The following KRAS variants were observed in gnomAD, a reference collection of about 807,000 sequenced individuals.
KRAS encodes KRas proto-oncogene, GTPase.
KRAS carries 1 observed loss-of-function variant against 21.0 expected under a neutral mutation model. That is an observed-to-expected ratio of 0.05 (90% CI 0.02 to 0.23). The LOEUF (loss-of-function observed/expected upper bound fraction) is 0.23, where lower values mean the gene tolerates loss of function less well. KRAS is among the 10% of genes least tolerant of loss of function. The probability of loss-of-function intolerance (pLI) is 1.00; values close to 1 mark genes in which losing one functional copy is unlikely to be tolerated. For synonymous variants in KRAS, 67 were observed against 72.5 expected (o/e 0.92, Z 0.39); for missense variants, 107 against 221.8 (o/e 0.48, Z 3.29).
At chr12:25,245,779 A>G (rs1187489434) in intron 1 of KRAS, among the ~76,000 whole-genome samples, 3 of 152,210 alleles carry the variant, frequency 2.0e-5, no homozygotes, top group Non-Finnish European at 4.4e-5. Context: ...ACCCTGTAGC[A>G]CACCCTCACA....
At chr12:25,236,069 G>A (rs899268563) in intron 2 of KRAS, among the ~76,000 whole-genome samples, 4 of 151,946 alleles carry the variant, frequency 2.6e-5, no homozygotes, top group South Asian at 2.1e-4. Flanking sequence ...GTACCAGTCC[G>A]CAGTCCAGGG....
intron 2 of KRAS, among the ~76,000 whole-genome samples, chr12:25,243,018 A>G (rs61761079): frequency 0.013 from 1,938 of 152,292 alleles, 43 homozygotes; most frequent in African/African-American, 0.044. Context: ...TCCATTTTAA[A>G]TGTAGAAAAA....
At chr12:25,242,560 TA>T (rs1189386889) in intron 2 of KRAS, among the ~76,000 whole-genome samples, 17 of 152,230 alleles carry the variant, frequency 1.1e-4, no homozygotes, top group Admixed American at 9.2e-4. Flanking sequence ...TAACAATATA[TA>T]CTTCACAATA....
At chr12:25,250,578 G>T (rs1293711362) in intron 1 of KRAS, among the ~76,000 whole-genome samples, 173 bp downstream of exon 1, 1 of 144,022 alleles carries the variant, frequency 6.9e-6, no homozygotes, top group African/African-American at 2.6e-5. Flanking sequence ...CCGCGTCCGC[G>T]CGCCTCCCCC....
chr12:25,216,502 T>A (rs1353019545), intron 4 of KRAS, among the ~76,000 whole-genome samples: 1 of 152,158 alleles, frequency 6.6e-6, no homozygotes, highest in African/African-American at 2.4e-5. Context: ...CTCAAACTCC[T>A]GAGCACAAGT....
At chr12:25,230,954 C>T (rs918343501) in intron 2 of KRAS, among the ~76,000 whole-genome samples, 1 of 152,116 alleles carries the variant, frequency 6.6e-6, no homozygotes, top group South Asian at 2.1e-4. Flanking sequence ...AAATTAAAAA[C>T]CATTCTAAAG....
At position 25,245,552 on chromosome 12, in the gene KRAS, C is replaced by T. The variant is rs576401541; in HGVS notation, c.-11-157G>A. On this transcript the variant is annotated intron_variant, in intron 1 of 4. Coordinates refer to ENST00000311936, the MANE Select transcript of KRAS (RefSeq NM_004985.5). ...TTACAAAATTCAATCATGAAAATTC[C>T]AGTTGACTGCAGACGTGTATCGTAA... Among the ~76,000 whole-genome samples, 24 of 152,248 alleles carry T rather than the reference C, an allele frequency of 1.6e-4. No individual in the cohort carries two copies. The South Asian group carries it at 5.0e-3, about 32-fold the overall frequency.
At chr12:25,215,763 T>C (rs747053038) in intron 4 of KRAS, among the ~76,000 whole-genome samples, 47 of 152,194 alleles carry the variant, frequency 3.1e-4, no homozygotes, top group Non-Finnish European at 5.9e-4. Flanking sequence ...TCAGTTTTGT[T>C]TTCTAATGGA....
chr12:25,218,743 A>C (rs1282422252), intron 4 of KRAS, among the ~76,000 whole-genome samples: 1 of 152,178 alleles, frequency 6.6e-6, no homozygotes, highest in Non-Finnish European at 1.5e-5. Context: ...TATACCTATG[A>C]AACAAAACAC....
At chr12:25,227,158 G>T (rs2141508929) in intron 3 of KRAS, 76 bp downstream of exon 3, 1 of 979,414 alleles carries the variant, frequency 1.0e-6, no homozygotes, top group Non-Finnish European at 1.6e-6. Flanking sequence ...TATATGCATG[G>T]CATTAGCAAA....
chr12:25,214,838 C>A (rs1951236281), intron 4 of KRAS, among the ~76,000 whole-genome samples: 1 of 152,070 alleles, frequency 6.6e-6, no homozygotes, highest in Admixed American at 6.5e-5. Flanking sequence ...TGTAACGTCA[C>A]AGGAATTTGT....
intron 2 of KRAS, chr12:25,234,171 C>A: frequency 5.9e-6 from 1 of 169,596 alleles, no homozygotes; most frequent in Non-Finnish European, 1.3e-5. Context: ...ATAAATTTTA[C>A]CTTCAATTAA....
At position 25,206,467 on chromosome 12, in the gene KRAS, C is replaced by T; in HGVS notation, c.*3328G>A. ...TAACATTTATTTCTAGAATTCTCCC[C>T]CTTTAAAATCTCTACAAAAACAAAT... On this transcript the variant is annotated 3_prime_UTR_variant, in exon 5 of 5. Transcript: ENST00000311936. The T allele has an allele frequency of 4.9e-6, 1 of 204,594 alleles. No homozygotes were observed. The highest frequency in any genetic ancestry group is 7.7e-5 in the East Asian group (1 of 12,934). 12.7% of individuals were successfully genotyped at this position (204,594 alleles called of 1,614,324 possible). A position where few individuals can be genotyped will look rare whatever the true frequency, so the allele number is the denominator to read the frequency against.
chr12:25,246,957 T>C (rs1405113597), intron 1 of KRAS, among the ~76,000 whole-genome samples: 1 of 151,746 alleles, frequency 6.6e-6, no homozygotes, highest in African/African-American at 2.4e-5. Context: ...CAGTAATCAG[T>C]AATCCATGTG....
At chr12:25,245,730 T>C (rs1292370699) in intron 1 of KRAS, among the ~76,000 whole-genome samples, 1 of 152,190 alleles carries the variant, frequency 6.6e-6, no homozygotes, top group Non-Finnish European at 1.5e-5. Flanking sequence ...AAGGATCATA[T>C]CATGACTTCA....
chr12:25,219,709 T>A (rs888904663), intron 4 of KRAS, among the ~76,000 whole-genome samples: 3 of 152,178 alleles, frequency 2.0e-5, no homozygotes, highest in African/African-American at 7.2e-5. Flanking sequence ...GCCTATCTCA[T>A]GTACTATTGA....
Position 25,209,850 on chromosome 12 carries a change from C to T in KRAS, c.512G>A (p.Ser171Asn). Residue 171 changes from serine (S) to asparagine (N), a missense_variant, in exon 5 of 5, where the codon AGC (serine) becomes AAC (asparagine). By Grantham distance (46) the Ser-to-Asn change is conservative. Coordinates refer to ENST00000311936, the MANE Select transcript of KRAS (RefSeq NM_004985.5). ...REIRKHKEKMSKDGKKKKKKS... is the reference protein window; with the variant it reads ...REIRKHKEKMNKDGKKKKKKS... ...CTTTTTCTTCTTTTTACCATCTTTG[C>T]TCATCTTTTCTTTATGTTTTCGAAT... The T allele has an allele frequency of 1.2e-6, 2 of 1,610,800 alleles. No individual in the cohort carries two copies. The highest frequency in any genetic ancestry group is 1.1e-5 in the South Asian group (1 of 90,876).
intron 4 of KRAS, among the ~76,000 whole-genome samples, chr12:25,219,369 A>G (rs1026163826): frequency 2.0e-5 from 3 of 152,252 alleles, no homozygotes; most frequent in African/African-American, 7.2e-5. Flanking sequence ...GATTGACAAC[A>G]TTTTCAACTC....
intron 2 of KRAS, chr12:25,234,376 G>A (rs1322627504): frequency 5.5e-6 from 1 of 180,878 alleles, no homozygotes. Context: ...ATATGAAAGA[G>A]CTGGTTGGTA....
Sources: gnomAD v4.1 joint callset for allele counts (sites outside exome capture counted in the v4.1 genomes callset) on GRCh38, gnomAD v4.1.1 for gene constraint, MANE v1.5 for transcripts, NCBI Gene and HGNC (gene_info 2026-07-23, HGNC 2026-07-21) for gene names.